Variants in ANXA3 observed in about 807,000 individuals in gnomAD.
ANXA3 encodes 35-alpha calcimedin.
ANXA3 carries 46 observed loss-of-function variants against 48.8 expected under a neutral mutation model. That is an observed-to-expected ratio of 0.94 (90% confidence interval 0.74 to 1.21). ANXA3 has a LOEUF of 1.21. Ranked by LOEUF, ANXA3 falls within the 50% of genes most tolerant of loss-of-function variation. The probability of loss-of-function intolerance (pLI) is 0.00; values close to 1 mark genes in which losing one functional copy is unlikely to be tolerated. For missense variants in ANXA3, 383 were observed against 378.6 expected (o/e 1.01, Z -0.10); for synonymous variants, 128 against 134.7 (o/e 0.95, Z 0.35).
chr4:78,586,427 A>G, intron 6 of ANXA3, 77 bp downstream of exon 6: 4 of 1,063,102 alleles, frequency 3.8e-6, no homozygotes, highest in Non-Finnish European at 5.7e-6. Context: ...AATCCTCTCA[A>G]TCTCTTCATG....
rs758611382 is a variant in ANXA3 at position 78,573,117 on chromosome 4, G to A, written c.16-63G>A. The A allele has an allele frequency of 5.1e-6, 6 of 1,174,718 alleles. No individual in the cohort carries two copies. In the South Asian group the frequency reaches 7.3e-5, roughly 14 times the overall value. The allele number at this position is 1,174,718 out of a possible 1,614,324, so 72.8% of individuals were successfully genotyped here. On this transcript the variant is annotated intron_variant, in intron 2 of 12. Coordinates refer to ENST00000264908, the MANE Select transcript of ANXA3 (RefSeq NM_005139.3). The stretch of plus-strand genomic sequence containing the variant: ...GCCTCTCATATGCATGAAGGAATAT[G>A]CATATGTAATACAAGAAAGATGTCA...
At chr4:78,607,733 A>G (rs537449868) in intron 12 of ANXA3, among the ~76,000 whole-genome samples, 38 of 152,312 alleles carry the variant, frequency 2.5e-4, no homozygotes, top group African/African-American at 8.7e-4. Context: ...TAGATTGTTG[A>G]ATATAGAGCT....
At chr4:78,578,944 T>G in intron 3 of ANXA3, 83 bp from the exon 4 acceptor site, 1 of 700,188 alleles carries the variant, frequency 1.4e-6, no homozygotes, top group Non-Finnish European at 2.5e-6. Context: ...TCTGCATTTG[T>G]CTCAGGCCAT....
At chr4:78,586,742 G>A (rs979281035) in intron 6 of ANXA3, among the ~76,000 whole-genome samples, 1 of 152,210 alleles carries the variant, frequency 6.6e-6, no homozygotes, top group Non-Finnish European at 1.5e-5. Flanking sequence ...TAATTTAGAG[G>A]ATGTGTTGAG....
intron 1 of ANXA3, among the ~76,000 whole-genome samples, chr4:78,553,256 C>T (rs1199630832): frequency 6.6e-6 from 1 of 152,176 alleles, no homozygotes; most frequent in Non-Finnish European, 1.5e-5. Context: ...GCTCCAGCTT[C>T]TTCATATGCA....
intron 4 of ANXA3, among the ~76,000 whole-genome samples, chr4:78,579,570 C>G (rs1311238232): frequency 1.3e-5 from 2 of 152,206 alleles, no homozygotes; most frequent in Non-Finnish European, 2.9e-5. Context: ...CTAATTCTGT[C>G]TTAGGTAACC....
chr4:78,571,515 C>A (rs1269064008), intron 2 of ANXA3, among the ~76,000 whole-genome samples: 2 of 152,152 alleles, frequency 1.3e-5, no homozygotes, highest in Non-Finnish European at 2.9e-5. Flanking sequence ...CACTAATTTT[C>A]CATTCACTTT....
chr4:78,583,773 C>A (rs1424792284), intron 5 of ANXA3, among the ~76,000 whole-genome samples: 2 of 152,206 alleles, frequency 1.3e-5, no homozygotes, highest in Non-Finnish European at 2.9e-5. Context: ...AAAGAATCTT[C>A]TAAACAGAAG....
Position 78,595,788 on chromosome 4 carries a change from G to T in ANXA3, c.541-6G>T. The T allele has an allele frequency of 6.4e-7, 1 of 1,560,892 alleles. No homozygotes were observed. The highest frequency in any genetic ancestry group is 1.1e-5 in the South Asian group (1 of 89,136). On this transcript the variant is annotated splice_region_variant and splice_polypyrimidine_tract_variant and intron_variant, in intron 8 of 12. Transcript: ENST00000264908. ...TGTGTCTCTAATATCATTCTCTTGT[G>T]AATAGATTCTCTATAAAGCTGGTGA...
Position 78,554,674 on chromosome 4 carries a change from T to C in ANXA3, c.15+186T>C, listed in dbSNP as rs528187926. ...TTTAAAAATGCATTGTAAAGTTACA[T>C]AGTTAAAATAACTTATGATGACACC... On this transcript the variant is annotated intron_variant, in intron 2 of 12. Transcript: ENST00000264908. 3.3e-5 allele frequency among the ~76,000 whole-genome samples: 5 copies of C among 152,330 alleles called. No homozygotes were observed. In the East Asian group the frequency reaches 7.7e-4, roughly 23 times the overall value.
At chr4:78,600,086 G>C (rs1723503867) in intron 10 of ANXA3, among the ~76,000 whole-genome samples, 1 of 152,168 alleles carries the variant, frequency 6.6e-6, no homozygotes, top group Non-Finnish European at 1.5e-5. Context: ...TGCAACAGAG[G>C]CATGTTCTGC....
intron 2 of ANXA3, among the ~76,000 whole-genome samples, chr4:78,563,275 C>T (rs1196698819): frequency 6.6e-6 from 1 of 152,172 alleles, no homozygotes; most frequent in Non-Finnish European, 1.5e-5. Context: ...CAGGAGACAT[C>T]CCTGATCCCA....
At chr4:78,573,554 A>G (rs899159831) in intron 3 of ANXA3, among the ~76,000 whole-genome samples, 1 of 152,228 alleles carries the variant, frequency 6.6e-6, no homozygotes, top group Non-Finnish European at 1.5e-5. Flanking sequence ...TCTTGACACC[A>G]TCTAGAGAAG....
intron 12 of ANXA3, among the ~76,000 whole-genome samples, chr4:78,606,862 G>A (rs1723660669): frequency 1.3e-5 from 2 of 152,168 alleles, no homozygotes; most frequent in Admixed American, 1.3e-4. Context: ...ACTGTGCCTG[G>A]GACTTAGCAC....
intron 2 of ANXA3, among the ~76,000 whole-genome samples, chr4:78,555,552 T>C (rs1722493020): frequency 6.6e-6 from 1 of 151,892 alleles, no homozygotes; most frequent in Non-Finnish European, 1.5e-5. Context: ...CAGAAGGTGC[T>C]ACAAGGTTGG....
intron 12 of ANXA3, 52 bp downstream of exon 12, chr4:78,604,451 C>T (rs1293691322): frequency 6.8e-7 from 1 of 1,463,566 alleles, no homozygotes; most frequent in East Asian, 2.3e-5. Flanking sequence ...CTCTACCCAT[C>T]TCCTTACTCT....
chr4:78,578,331 A>AGAGAG (rs1560444874), intron 3 of ANXA3, among the ~76,000 whole-genome samples: 77 of 41,340 alleles, frequency 1.9e-3, no homozygotes, highest in Middle Eastern at 0.015. Context: ...GAGAGAGAGA[A>AGAGAG]AGGGAGGGAG....
At chr4:78,561,173 T>C (rs947699303) in intron 2 of ANXA3, among the ~76,000 whole-genome samples, 55 of 152,288 alleles carry the variant, frequency 3.6e-4, no homozygotes, top group African/African-American at 1.3e-3. Flanking sequence ...GCTGCCAGGA[T>C]GGACCCTTGC....
At chr4:78,555,319 A>G (rs1471188262) in intron 2 of ANXA3, among the ~76,000 whole-genome samples, 2 of 152,230 alleles carry the variant, frequency 1.3e-5, no homozygotes, top group African/African-American at 4.8e-5. Context: ...ATATTGATCT[A>G]TTTTAACTAC....
Sources: allele counts gnomAD v4.1 joint callset (sites outside exome capture counted in the v4.1 genomes callset), GRCh38; gene constraint gnomAD v4.1.1; transcripts MANE v1.5; gene names NCBI Gene and HGNC (gene_info 2026-07-23, HGNC 2026-07-21).